Variants in LSM14B observed in about 807,000 individuals in gnomAD.
LSM14B encodes protein LSM14 homolog B.
In LSM14B, 8 loss-of-function variants were observed where a neutral mutation model predicts 42.1. The observed-to-expected ratio is 0.19, with a 90% CI of 0.11 to 0.34. The LOEUF (loss-of-function observed/expected upper bound fraction) is 0.34. Among genes scored for constraint, LSM14B ranks in the 10% least tolerant of loss-of-function variants. The pLI, the probability that LSM14B is intolerant of heterozygous loss-of-function variation, is 1.00. For synonymous variants in LSM14B, 219 were observed against 209.7 expected (o/e 1.04, Z -0.38); for missense variants, 396 against 513.1 (o/e 0.77, Z 2.21).
Position 62,130,395 on chromosome 20 carries a change from G to C in LSM14B, c.673+99G>C. ...TTCTCTGGTTGACGGTTTCAGGGGT[G>C]CTGGTGTGAAGTCGCTGCTTGTGTG... On this transcript the variant is annotated intron_variant, in intron 5 of 8. Coordinates refer to ENST00000279068, the MANE Select transcript of LSM14B (RefSeq NM_144703.3). This position sits in a 1 kb window ranked among gnomAD's most constrained non-coding sequence, Gnocchi z 4.1. The C allele has an allele frequency of 1.3e-6, 2 of 1,528,216 alleles. No homozygotes were observed. The highest frequency in any genetic ancestry group is 1.8e-6 in the Non-Finnish European group (2 of 1,125,162). The allele number at this position is 1,528,216 out of a possible 1,614,324, so 94.7% of individuals were successfully genotyped here. A position where few individuals can be genotyped will look rare whatever the true frequency, so the allele number is the denominator to read the frequency against.
At position 62,126,057 on chromosome 20, in the gene LSM14B, TCAAAAAA is replaced by T. The variant is rs1310485281; in HGVS notation, c.292-234_292-228del. ...GCCCAGGCGACAGAGCAATACTCTT[TCAAAAAA>T]CAAAAAACAAAACAAAACAAAAAAA... On this transcript the variant is annotated intron_variant, in intron 2 of 8. Transcript: ENST00000279068. Among the ~76,000 whole-genome samples, 6 of 152,060 alleles carry T rather than the reference TCAAAAAA, an allele frequency of 3.9e-5. No homozygotes were observed. The South Asian group carries it at 8.3e-4, about 21-fold the overall frequency.
chr20:62,131,276 G>C, intron 6 of LSM14B, 80 bp from the exon 7 acceptor site: 1 of 1,484,112 alleles, frequency 6.7e-7, no homozygotes, highest in East Asian at 2.3e-5. Flanking sequence ...GCTTCCGAGT[G>C]AGCCCGGAGG....
chr20:62,124,891 T>TC, intron 2 of LSM14B, 111 bp downstream of exon 2: 2 of 1,248,498 alleles, frequency 1.6e-6, no homozygotes, highest in East Asian at 2.7e-5. Flanking sequence ...CCTTTTTTTT[T>TC]TTTTCTTTGA....
Position 62,133,455 on chromosome 20 carries a change from G to T in LSM14B, c.1152G>T (p.Arg384Ser), listed in dbSNP as rs1290864947. ...NPTSHRAGTG[R>S]V is the part of the protein sequence containing the mutation. The stretch of plus-strand genomic sequence containing the variant: ...CTTCCCACAGGGCCGGGACTGGCAG[G>T]GTGTGAGGGTGCAGCCAAAGGTGAG... Residue 384 changes from arginine (R) to serine (S), a missense_variant, in exon 8 of 9, where the codon AGG becomes AGT. Arg to Ser is a moderately radical substitution (Grantham distance 110). Around this residue, in one of 3 missense-constraint regions of LSM14B, gnomAD observed 118 missense variants for 156.4 expected, o/e 0.75. Coordinates refer to ENST00000279068, the MANE Select transcript of LSM14B (RefSeq NM_144703.3). 1 of 1,612,016 alleles carries T rather than the reference G, an allele frequency of 6.2e-7. No homozygotes were observed. The highest frequency in any genetic ancestry group is 8.5e-7 in the Non-Finnish European group (1 of 1,179,300).
At position 62,130,688 on chromosome 20, in the gene LSM14B, A is replaced by G. The variant is rs891297641; in HGVS notation, c.832A>G (p.Lys278Glu). 6 of 1,613,398 alleles carry G rather than the reference A, an allele frequency of 3.7e-6. No individual in the cohort carries two copies. Among genetic ancestry groups the G allele is most frequent in the Middle Eastern group, 3.3e-4 (2 of 6,062 alleles). ...DKEFKKKLNF[K>E]DDKAEKGEEK... ...AGAATTTAAGAAGAAACTGAATTTT[A>G]AAGGTTTGGCTCATTATATGAAAAT... Residue 278 changes from lysine (K) to glutamate (E), a missense_variant, in exon 6 of 9, where the codon AAA becomes GAA. Transcript: ENST00000279068. This position sits in a 1 kb window ranked among gnomAD's most constrained non-coding sequence, Gnocchi z 4.1.
intron 8 of LSM14B, 98 bp downstream of exon 8, chr20:62,133,573 G>A (rs570037897): frequency 5.1e-5 from 71 of 1,381,512 alleles, no homozygotes; most frequent in Middle Eastern, 5.2e-4. Flanking sequence ...GGTTTCCCAG[G>A]AAGAAGAGAG....
chr20:62,123,418 C>T (rs1436396143), intron 1 of LSM14B: 1 of 152,432 alleles, frequency 6.6e-6, no homozygotes, highest in African/African-American at 2.4e-5. Flanking sequence ...TTAAACGGTT[C>T]TCCTGCTCTA....
intron 7 of LSM14B, among the ~76,000 whole-genome samples, chr20:62,131,807 A>T (rs549620684): frequency 6.6e-6 from 1 of 152,234 alleles, no homozygotes; most frequent in African/African-American, 2.4e-5. Context: ...CACATTCAGC[A>T]TACCTCACGG....
At chr20:62,123,131 C>G (rs901384252) in intron 1 of LSM14B, 12 of 155,618 alleles carry the variant, frequency 7.7e-5, no homozygotes, top group African/African-American at 2.6e-4. Flanking sequence ...CCCAGCCCAC[C>G]TCTGCAGGTG....
chr20:62,129,552 C>G (rs962918848), intron 3 of LSM14B, among the ~76,000 whole-genome samples: 15 of 152,090 alleles, frequency 9.9e-5, no homozygotes, highest in Non-Finnish European at 1.3e-4. Context: ...AGTGGGGAGT[C>G]CAAAGATGAA....
At chr20:62,133,192 A>T in intron 7 of LSM14B, 98 bp from the exon 8 acceptor site, 1 of 1,447,300 alleles carries the variant, frequency 6.9e-7, no homozygotes, top group Middle Eastern at 1.8e-4. Flanking sequence ...GGCCCTGGTG[A>T]GTCTGTCCCT....
intron 2 of LSM14B, among the ~76,000 whole-genome samples, chr20:62,125,623 T>TA (rs1230994023): frequency 2.0e-5 from 3 of 152,260 alleles, no homozygotes; most frequent in Non-Finnish European, 4.4e-5. Flanking sequence ...AATATTTTCT[T>TA]CACTTCTAAA....
Position 62,126,325 on chromosome 20 carries a change from G to C in LSM14B, c.313G>C (p.Ala105Pro). Residue 105 changes from alanine (A) to proline (P), a missense_variant, in exon 3 of 9, where the codon GCC becomes CCC. Ala to Pro is a conservative substitution (Grantham distance 27). Around this residue, in one of 3 missense-constraint regions of LSM14B, gnomAD observed 274 missense variants for 335.8 expected, o/e 0.82. Coordinates refer to ENST00000279068, the MANE Select transcript of LSM14B (RefSeq NM_144703.3). ...TCAGTCTTCCCTGGGTTCTGCCTCC[G>C]CCTCGCCCTTCCAGCCGCACGTGCC... ...IVQSSLGSAS[A>P]SPFQPHVPYS... is the part of the protein sequence containing the mutation. The C allele has an allele frequency of 6.2e-7, 1 of 1,613,860 alleles. No individual in the cohort carries two copies. The highest frequency in any genetic ancestry group is 2.2e-5 in the East Asian group (1 of 44,894).
chr20:62,124,287 A>T (rs1461752201), intron 1 of LSM14B, among the ~76,000 whole-genome samples: 1 of 152,274 alleles, frequency 6.6e-6, no homozygotes, highest in African/African-American at 2.4e-5. Flanking sequence ...GTCAAACGTG[A>T]ACAGGGAGGC....
chr20:62,133,528 C>T lies in LSM14B; in HGVS notation c.*14+53C>T, dbSNP rs1317267446. 3 of 1,560,816 alleles carry T rather than the reference C, an allele frequency of 1.9e-6. No individual in the cohort carries two copies. The African/African-American group carries it at 4.2e-5, about 22-fold the overall frequency. On this transcript the variant is annotated intron_variant, in intron 8 of 8. Transcript: ENST00000279068. Reference sequence around the variant, plus strand: ...TGGTGGGAGGGTGTAGGGTCAGGCACACCTGGAGAGCTTAGGAAGGTGGGG... The same window carrying T: ...TGGTGGGAGGGTGTAGGGTCAGGCATACCTGGAGAGCTTAGGAAGGTGGGG...
At chr20:62,128,295 T>C (rs1413502995) in intron 3 of LSM14B, among the ~76,000 whole-genome samples, 5 of 152,214 alleles carry the variant, frequency 3.3e-5, no homozygotes, top group Non-Finnish European at 5.9e-5. Flanking sequence ...AGTTCTAAAA[T>C]TCATATTGAC....
At chr20:62,133,734 G>T (rs6089659) in intron 8 of LSM14B, among the ~76,000 whole-genome samples, 3 of 152,106 alleles carry the variant, frequency 2.0e-5, no homozygotes, top group Admixed American at 2.0e-4. Context: ...AGGTGGTGCG[G>T]GAGTCGCGTG....
At chr20:62,129,188 T>C (rs1041596910) in intron 3 of LSM14B, among the ~76,000 whole-genome samples, 2 of 152,216 alleles carry the variant, frequency 1.3e-5, no homozygotes, top group African/African-American at 2.4e-5. Flanking sequence ...GCCTTTGCCC[T>C]TGAGAGAAGT....
intron 3 of LSM14B, chr20:62,127,490 G>A (rs2056640992): frequency 2.4e-6 from 2 of 844,728 alleles, no homozygotes; most frequent in East Asian, 5.3e-5. Flanking sequence ...ACAAGAGGTT[G>A]CTTGGCTCTT....
Sources: gnomAD v4.1 joint callset for allele counts (sites outside exome capture counted in the v4.1 genomes callset) on GRCh38, gnomAD v4.1.1 for gene constraint, gnomAD v4.1.1 regional missense constraint, Gnocchi (gnomAD v3.1) non-coding constraint, MANE v1.5 for transcripts, NCBI Gene and HGNC (gene_info 2026-07-23, HGNC 2026-07-21) for gene names.